The following TINAG variants were observed in gnomAD, a reference collection of about 807,000 sequenced individuals.
TINAG encodes the protein tubulointerstitial nephritis antigen.
Under a neutral mutation model 72.7 loss-of-function variants are expected in TINAG, and 83 were observed. The observed-to-expected ratio is 1.14, with a 90% confidence interval of 0.96 to 1.37. TINAG has a LOEUF of 1.37. TINAG is among the 40% of genes most tolerant of loss of function. The pLI is 0.00. For missense variants in TINAG, 685 were observed against 576.6 expected (o/e 1.19, Z -1.93); for synonymous variants, 234 against 189.9 (o/e 1.23, Z -1.91).
At chr6:54,323,032 G>A (rs746051343) in intron 3 of TINAG, among the ~76,000 whole-genome samples, 3 of 152,182 alleles carry the variant, frequency 2.0e-5, no homozygotes, top group African/African-American at 2.4e-5. Flanking sequence ...AGGTTGTTGG[G>A]AATGCTATTA....
At position 54,354,626 on chromosome 6, in the gene TINAG, A is replaced by G. The variant is rs371079311; in HGVS notation, c.1240A>G (p.Lys414Glu). ...TCGAAAGCTTCAGACACATGCAGTC[A>G]AACTCACTGGGTAAGGCAATTAAAC... ...KYRKLQTHAVKLTGWGTLRGA... is the reference protein window; with the variant it reads ...KYRKLQTHAVELTGWGTLRGA... The change falls in exon 9 of 11, where the codon AAA (lysine) becomes GAA (glutamate). Residue 414 changes from lysine (K) to glutamate (E), a missense_variant. Coordinates refer to ENST00000259782, the MANE Select transcript of TINAG (RefSeq NM_014464.4). 1.2e-5 allele frequency: 19 copies of G among 1,607,152 alleles called. No individual in the cohort carries two copies. The highest frequency in any genetic ancestry group is 4.0e-5 in the African/African-American group (3 of 74,436).
intron 1 of TINAG, among the ~76,000 whole-genome samples, chr6:54,311,896 C>T (rs1281747439): frequency 6.6e-6 from 1 of 152,102 alleles, no homozygotes; most frequent in Non-Finnish European, 1.5e-5. Context: ...TAGCTGAACT[C>T]TGTAATGTGA....
At chr6:54,336,084 T>G (rs1284364593) in intron 4 of TINAG, among the ~76,000 whole-genome samples, 2 of 152,064 alleles carry the variant, frequency 1.3e-5, no homozygotes, top group Non-Finnish European at 2.9e-5. Flanking sequence ...CTTAAGTCAT[T>G]ATTCCCGTAA....
intron 4 of TINAG, among the ~76,000 whole-genome samples, chr6:54,330,771 G>A (rs1365034358): frequency 6.6e-6 from 1 of 152,092 alleles, no homozygotes; most frequent in Non-Finnish European, 1.5e-5. Flanking sequence ...TGGTAAAGGG[G>A]ATAACATCAC....
At chr6:54,324,445 G>T (rs556686226) in intron 3 of TINAG, among the ~76,000 whole-genome samples, 16 of 152,242 alleles carry the variant, frequency 1.1e-4, no homozygotes, top group Admixed American at 8.5e-4. Context: ...CTCCCTTAAA[G>T]CTTATGCTTG....
chr6:54,338,306 A>G (rs1489990697), intron 4 of TINAG, among the ~76,000 whole-genome samples: 1 of 152,186 alleles, frequency 6.6e-6, no homozygotes, highest in African/African-American at 2.4e-5. Context: ...CTTCTCTATG[A>G]AGAAGTATTT....
intron 9 of TINAG, among the ~76,000 whole-genome samples, chr6:54,357,894 C>A (rs1763103046): frequency 6.6e-6 from 1 of 151,836 alleles, no homozygotes; most frequent in Non-Finnish European, 1.5e-5. Flanking sequence ...AATATATTCC[C>A]AATTCCATCA....
At chr6:54,327,152 T>C (rs1024053492) in intron 4 of TINAG, 3 of 1,547,648 alleles carry the variant, frequency 1.9e-6, no homozygotes, top group Admixed American at 3.9e-5. Flanking sequence ...AATGATTGAA[T>C]GGGCTGGCAA....
chr6:54,371,088 A>C (rs1443608906), intron 9 of TINAG, among the ~76,000 whole-genome samples: 1 of 151,184 alleles, frequency 6.6e-6, no homozygotes, highest in African/African-American at 2.4e-5. Context: ...TTTACATTCC[A>C]AAAAAATGTC....
At chr6:54,385,768 A>T (rs916055930) in intron 10 of TINAG, among the ~76,000 whole-genome samples, 1 of 151,980 alleles carries the variant, frequency 6.6e-6, no homozygotes, top group Non-Finnish European at 1.5e-5. Flanking sequence ...ATATAAAGGG[A>T]TAACACTCCA....
At chr6:54,373,509 A>T (rs1763692130) in intron 9 of TINAG, among the ~76,000 whole-genome samples, 3 of 152,112 alleles carry the variant, frequency 2.0e-5, no homozygotes, top group African/African-American at 7.2e-5. Flanking sequence ...CACTAGTGAT[A>T]ATTTAGCCAC....
intron 10 of TINAG, among the ~76,000 whole-genome samples, chr6:54,388,683 T>C (rs1000004946): frequency 5.3e-5 from 8 of 152,080 alleles, no homozygotes; most frequent in African/African-American, 1.9e-4. Context: ...GCCTTCATGA[T>C]ATTCTCCATG....
intron 1 of TINAG, among the ~76,000 whole-genome samples, chr6:54,312,099 C>G (rs1328115683): frequency 2.0e-5 from 3 of 151,854 alleles, no homozygotes; most frequent in African/African-American, 7.3e-5. Flanking sequence ...CTCTGTCACC[C>G]AGGCTGAAGT....
chr6:54,389,312 A>T (rs1005434086), intron 10 of TINAG, among the ~76,000 whole-genome samples: 4 of 152,168 alleles, frequency 2.6e-5, no homozygotes, highest in Non-Finnish European at 4.4e-5. Context: ...GAACCATCCA[A>T]GTAAATGAGA....
intron 4 of TINAG, among the ~76,000 whole-genome samples, chr6:54,342,221 G>C (rs1785013599): frequency 6.6e-6 from 1 of 152,100 alleles, no homozygotes; most frequent in African/African-American, 2.4e-5. Flanking sequence ...GATTTTCTTT[G>C]AATGAAATGA....
At chr6:54,351,020 A>C (rs1216867208) in intron 7 of TINAG, among the ~76,000 whole-genome samples, 2 of 151,928 alleles carry the variant, frequency 1.3e-5, no homozygotes, top group Non-Finnish European at 2.9e-5. Flanking sequence ...CATCTAACTA[A>C]ACAATCATTT....
At chr6:54,389,301 T>C (rs10498797) in intron 10 of TINAG, among the ~76,000 whole-genome samples, 25,878 of 152,172 alleles carry the variant, frequency 0.17, 2,342 homozygotes, top group Non-Finnish European at 0.18. Flanking sequence ...ATGTCTTCGC[T>C]GAACCATCCA....
At chr6:54,320,449 T>A (rs1016310720) in intron 1 of TINAG, 130 bp from the exon 2 acceptor site, 37 of 632,686 alleles carry the variant, frequency 5.8e-5, no homozygotes, top group African/African-American at 5.8e-4. Context: ...CATGGATTTC[T>A]ATCAGCTTTT....
chr6:54,380,140 T>C (rs1763902500), intron 9 of TINAG, among the ~76,000 whole-genome samples: 1 of 152,192 alleles, frequency 6.6e-6, no homozygotes, highest in South Asian at 2.1e-4. Context: ...TAGTATTCCA[T>C]GGTATATATG....
Sources: gnomAD v4.1 joint callset for allele counts (sites outside exome capture counted in the v4.1 genomes callset) on GRCh38, gnomAD v4.1.1 for gene constraint, MANE v1.5 for transcripts, NCBI Gene and HGNC (gene_info 2026-07-23, HGNC 2026-07-21) for gene names.